Variants in CAMK2D observed in about 807,000 individuals in gnomAD.
CAMK2D encodes the protein calcium/calmodulin-dependent protein kinase type II subunit delta.
CAMK2D carries 37 observed loss-of-function variants against 84.0 expected under a neutral mutation model. The observed-to-expected ratio is 0.44, with a 90% CI of 0.34 to 0.58. The LOEUF is 0.58. Ranked by LOEUF, CAMK2D falls within the 20% of genes least tolerant of loss-of-function variation. The pLI, the probability that CAMK2D is intolerant of heterozygous loss-of-function variation, is 0.02. For synonymous variants in CAMK2D, 202 were observed against 212.5 expected (o/e 0.95, Z 0.43); for missense variants, 448 against 652.5 (o/e 0.69, Z 3.41).
chr4:113,536,576 G>A (rs1182124998), intron 7 of CAMK2D, among the ~76,000 whole-genome samples: 1 of 152,144 alleles, frequency 6.6e-6, no homozygotes, highest in Non-Finnish European at 1.5e-5. Context: ...GACAAGACAG[G>A]CTTGGGGAGA....
At chr4:113,731,135 C>T (rs1189310068) in intron 2 of CAMK2D, among the ~76,000 whole-genome samples, 1 of 152,200 alleles carries the variant, frequency 6.6e-6, no homozygotes, top group Non-Finnish European at 1.5e-5. Context: ...ATTTCCACCT[C>T]TCTCCCATAA....
chr4:113,572,669 T>C (rs1341962375), intron 4 of CAMK2D, among the ~76,000 whole-genome samples: 1 of 151,862 alleles, frequency 6.6e-6, no homozygotes, highest in Non-Finnish European at 1.5e-5. Flanking sequence ...GAGAAACCCT[T>C]ATGCGTTGTT....
chr4:113,562,476 T>G (rs1430200231), intron 4 of CAMK2D, among the ~76,000 whole-genome samples: 7 of 152,236 alleles, frequency 4.6e-5, no homozygotes, highest in Admixed American at 4.6e-4. Context: ...TACTACACTA[T>G]CTTCTTAAAG....
chr4:113,701,686 G>A (rs941737813), intron 2 of CAMK2D, among the ~76,000 whole-genome samples: 12 of 152,246 alleles, frequency 7.9e-5, no homozygotes, highest in African/African-American at 2.6e-4. Flanking sequence ...AGCTGAGACC[G>A]TACGTAGGTT....
chr4:113,603,773 T>TATATATATATATATA (rs2098964722), intron 4 of CAMK2D, among the ~76,000 whole-genome samples: 1 of 127,992 alleles, frequency 7.8e-6, no homozygotes, highest in African/African-American at 3.3e-5. Flanking sequence ...TCTTGCTATT[T>TATATATATATATATA]TATATATATA....
intron 2 of CAMK2D, among the ~76,000 whole-genome samples, chr4:113,665,225 C>A (rs1444121443): frequency 6.6e-6 from 1 of 152,224 alleles, no homozygotes; most frequent in African/African-American, 2.4e-5. Context: ...ATTCTGCACT[C>A]TCCCACTGGG....
At chr4:113,580,246 T>C (rs557322767) in intron 4 of CAMK2D, among the ~76,000 whole-genome samples, 2 of 152,374 alleles carry the variant, frequency 1.3e-5, no homozygotes, top group East Asian at 3.9e-4. Context: ...ACTCCTCAGT[T>C]GGTTCATTAA....
At chr4:113,554,705 CATT>C (rs2098652578) in intron 4 of CAMK2D, among the ~76,000 whole-genome samples, 1 of 152,102 alleles carries the variant, frequency 6.6e-6, no homozygotes, top group Non-Finnish European at 1.5e-5. Context: ...TTTATACTCA[CATT>C]ATTTTTTAAT....
At chr4:113,508,403 G>A (rs1407413915) in intron 13 of CAMK2D, 1 of 656,120 alleles carries the variant, frequency 1.5e-6, no homozygotes, top group African/African-American at 1.8e-5. Context: ...AAAAAGTTCT[G>A]GAAATGCGTT....
chr4:113,592,223 G>T (rs954683807), intron 4 of CAMK2D, among the ~76,000 whole-genome samples: 4 of 152,108 alleles, frequency 2.6e-5, no homozygotes, highest in Non-Finnish European at 5.9e-5. Context: ...TGGGCTTCCT[G>T]TCTGCAAAGT....
At chr4:113,484,716 C>T (rs1357506741) in intron 16 of CAMK2D, among the ~76,000 whole-genome samples, 1 of 152,132 alleles carries the variant, frequency 6.6e-6, no homozygotes, top group Non-Finnish European at 1.5e-5. Context: ...TAGAGCTAAA[C>T]TTTATAAGCA....
At chr4:113,599,594 AC>A (rs1348287628) in intron 4 of CAMK2D, among the ~76,000 whole-genome samples, 1 of 152,054 alleles carries the variant, frequency 6.6e-6, no homozygotes, top group African/African-American at 2.4e-5. Flanking sequence ...TAGAGTATCA[AC>A]CCCCCAACAG....
intron 7 of CAMK2D, among the ~76,000 whole-genome samples, chr4:113,536,854 A>G (rs944435563): frequency 6.6e-6 from 1 of 152,216 alleles, no homozygotes; most frequent in Non-Finnish European, 1.5e-5. Flanking sequence ...CAAAATAACT[A>G]AGGTGAAATA....
chr4:113,658,408 T>C (rs901817655), intron 3 of CAMK2D, among the ~76,000 whole-genome samples: 6 of 152,142 alleles, frequency 3.9e-5, no homozygotes, highest in African/African-American at 1.4e-4. Flanking sequence ...ACAATGTTTT[T>C]CGTTTGTTTG....
chr4:113,755,204 AC>A, intron 2 of CAMK2D: 1 of 273,534 alleles, frequency 3.7e-6, no homozygotes, highest in Non-Finnish European at 5.6e-6. Flanking sequence ...ACACACACAC[AC>A]ACAAAACATT....
intron 3 of CAMK2D, among the ~76,000 whole-genome samples, chr4:113,629,198 C>A (rs2099079522): frequency 1.3e-5 from 2 of 152,120 alleles, no homozygotes; most frequent in South Asian, 2.1e-4. Context: ...TTGGACAGAG[C>A]CTCGGAAAAC....
chr4:113,706,520 AT>A (rs2099456425), intron 2 of CAMK2D, among the ~76,000 whole-genome samples: 1 of 152,200 alleles, frequency 6.6e-6, no homozygotes, highest in Non-Finnish European at 1.5e-5. Flanking sequence ...CTAAGAAACA[AT>A]GAGATTTTAT....
chr4:113,664,275 T>C (rs550551690), intron 2 of CAMK2D, among the ~76,000 whole-genome samples: 1 of 152,348 alleles, frequency 6.6e-6, no homozygotes, highest in South Asian at 2.1e-4. Flanking sequence ...TTTCTATTGC[T>C]ATGTGTCCAA....
chr4:113,597,305 CT>C (rs1353675383), intron 4 of CAMK2D, among the ~76,000 whole-genome samples: 2 of 152,224 alleles, frequency 1.3e-5, no homozygotes, highest in African/African-American at 4.8e-5. Context: ...CATTGAAAAT[CT>C]GTTTTTAGTG....
Sources: gnomAD v4.1 joint callset for allele counts (sites outside exome capture counted in the v4.1 genomes callset) on GRCh38, gnomAD v4.1.1 for gene constraint, MANE v1.5 for transcripts, NCBI Gene and HGNC (gene_info 2026-07-23, HGNC 2026-07-21) for gene names.